Variants in TMED3 observed in about 807,000 individuals in gnomAD.
TMED3 encodes transmembrane p24 trafficking protein 3, also known as transmembrane emp24 domain-containing protein 3.
In TMED3, 9 loss-of-function variants were observed where a neutral mutation model predicts 15.0. That is an observed-to-expected ratio of 0.60 (90% CI 0.36 to 1.04). TMED3 has a LOEUF of 1.04. Among genes scored for constraint, TMED3 ranks in the 50% least tolerant of loss-of-function variants. The pLI is 0.01. For missense variants in TMED3, 267 were observed against 278.9 expected, an observed-to-expected ratio of 0.96 and a Z score of 0.30; for synonymous variants, 117 against 121.4, an observed-to-expected ratio of 0.96 and a Z score of 0.24.
chr15:79,391,540 A>G (rs1375408258), intron 2 of TMED3, among the ~76,000 whole-genome samples: 3 of 152,054 alleles, frequency 2.0e-5, no homozygotes, highest in East Asian at 3.9e-4. Flanking sequence ...TAGAATGTGT[A>G]TTCTGTGATT....
chr15:79,321,858 A>T, intron 2 of TMED3, 120 bp from the exon 3 acceptor site: 1 of 1,244,830 alleles, frequency 8.0e-7, no homozygotes, highest in Non-Finnish European at 1.1e-6. Context: ...CCCTTAGCAC[A>T]GACTCTTAGT....
intron 2 of TMED3, among the ~76,000 whole-genome samples, chr15:79,361,020 G>GTTTTATTTTTATTTTTAT (rs141654628): frequency 6.6e-6 from 1 of 151,918 alleles, no homozygotes; most frequent in African/African-American, 2.4e-5. Flanking sequence ...GGCTAATTGT[G>GTTTTATTTTTATTTTTAT]TTTTATTTTT....
At chr15:79,413,505 C>T (rs1894022150) in exon 3 of TMED3, 1 of 152,222 alleles carries the variant, frequency 6.6e-6, no homozygotes, top group South Asian at 2.1e-4. Flanking sequence ...GAAATAATCA[C>T]CTTCTTAAAA....
intron 1 of TMED3, among the ~76,000 whole-genome samples, chr15:79,312,097 C>T (rs1209906968): frequency 6.6e-6 from 1 of 152,142 alleles, no homozygotes; most frequent in African/African-American, 2.4e-5. Flanking sequence ...GTAGTCTGCC[C>T]CGATATTTAG....
intron 2 of TMED3, among the ~76,000 whole-genome samples, chr15:79,404,225 A>G (rs778869190): frequency 2.4e-4 from 36 of 152,308 alleles, no homozygotes; most frequent in Middle Eastern, 3.4e-3. Context: ...TTAGGTGACA[A>G]TTCCCTGTTA....
chr15:79,378,915 C>CT (rs1893473058), intron 2 of TMED3, among the ~76,000 whole-genome samples: 1 of 152,060 alleles, frequency 6.6e-6, no homozygotes, highest in Admixed American at 6.5e-5. Context: ...TGACTCAATT[C>CT]TTGGAATTCT....
intron 2 of TMED3, among the ~76,000 whole-genome samples, chr15:79,379,901 A>T (rs973448830): frequency 3.3e-5 from 5 of 152,226 alleles, no homozygotes; most frequent in African/African-American, 1.2e-4. Context: ...ATTTCATAAT[A>T]TGATGTGTTA....
At chr15:79,381,881 A>G (rs1893543691) in intron 2 of TMED3, among the ~76,000 whole-genome samples, 1 of 152,196 alleles carries the variant, frequency 6.6e-6, no homozygotes, top group Non-Finnish European at 1.5e-5. Context: ...TGGGGTCTTA[A>G]TGCTGTCAGA....
At chr15:79,387,046 G>A (rs184521314) in intron 2 of TMED3, among the ~76,000 whole-genome samples, 208 of 151,192 alleles carry the variant, frequency 1.4e-3, no homozygotes, top group African/African-American at 4.9e-3. Flanking sequence ...TCATGCCACA[G>A]CCCCCTGAGT....
chr15:79,327,091 C>G (rs1218421236), downstream of TMED3, among the ~76,000 whole-genome samples: 1 of 152,136 alleles, frequency 6.6e-6, no homozygotes, highest in Non-Finnish European at 1.5e-5. Context: ...ACAGCAAGGA[C>G]AGCATCAAGC....
At chr15:79,317,272 C>T (rs2058744663) in intron 2 of TMED3, among the ~76,000 whole-genome samples, 1 of 152,230 alleles carries the variant, frequency 6.6e-6, no homozygotes, top group African/African-American at 2.4e-5. Context: ...TGATGCTTCA[C>T]ATAAATATCT....
intron 2 of TMED3, among the ~76,000 whole-genome samples, chr15:79,380,403 A>AAT (rs1253345715): frequency 7.6e-6 from 1 of 132,118 alleles, no homozygotes; most frequent in Non-Finnish European, 1.6e-5. Context: ...GAGAGTCTCA[A>AAT]ATATATATAT....
intron 2 of TMED3, among the ~76,000 whole-genome samples, chr15:79,390,323 T>C (rs1242300992): frequency 1.3e-5 from 2 of 152,164 alleles, no homozygotes; most frequent in African/African-American, 4.8e-5. Flanking sequence ...TGTCAAATGC[T>C]TTTTTCTCCA....
intron 2 of TMED3, among the ~76,000 whole-genome samples, chr15:79,402,531 A>G (rs12909185): frequency 0.44 from 66,924 of 152,094 alleles, 15,436 homozygotes; most frequent in Middle Eastern, 0.6. Flanking sequence ...TGTAACCCCA[A>G]CATTTTGGGA....
intron 2 of TMED3, among the ~76,000 whole-genome samples, chr15:79,397,569 C>A (rs761046329): frequency 1.3e-5 from 2 of 152,168 alleles, no homozygotes; most frequent in Non-Finnish European, 2.9e-5. Context: ...TTGTCTGTTT[C>A]ATGAAGGGTA....
chr15:79,353,608 A>ACACACAC, intron 2 of TMED3, among the ~76,000 whole-genome samples: 3 of 148,028 alleles, frequency 2.0e-5, no homozygotes, highest in African/African-American at 5.0e-5. Flanking sequence ...ACACACACAC[A>ACACACAC]ATTACCTAGA....
At chr15:79,334,829 G>A (rs1239363675) in intron 2 of TMED3, among the ~76,000 whole-genome samples, 10 of 151,900 alleles carry the variant, frequency 6.6e-5, no homozygotes, top group Non-Finnish European at 1.3e-4. Flanking sequence ...TTCAGAGAAG[G>A]TTACAAGAAA....
Position 79,411,518 on chromosome 15 carries a change from G to C in TMED3, c.*14G>C, listed in dbSNP as rs186399034. 1,928 of 701,718 alleles carry C rather than the reference G, an allele frequency of 2.7e-3. 1 individual carries two copies. Among genetic ancestry groups the C allele is most frequent in the Non-Finnish European group, 3.9e-3 (1,494 of 384,810 alleles). The allele number at this position is 701,718 out of a possible 1,614,324, so 43.5% of individuals were successfully genotyped here. Reference sequence around the variant, plus strand: ...GCACCCTCCTAACAGATTTTCAGCGGGGAGGCACTGAGAGTGGATGGAGGG... The same window carrying C: ...GCACCCTCCTAACAGATTTTCAGCGCGGAGGCACTGAGAGTGGATGGAGGG... On this transcript the variant is annotated 3_prime_UTR_variant, in exon 3 of 3. Transcript: ENST00000424155.
Position 79,311,197 on chromosome 15 carries a change from CGCCGGGGGCGCAGCGCCCGAGCCG to C in TMED3, c.-52_-29del. ...CCGGTCGGTAGTCGTCGCCCCAGCC[CGCCGGGGGCGCAGCGCCCGAGCCG>C]CGGCCCTCGAGACGGGACCGAGAGC... On this transcript the variant is annotated 5_prime_UTR_variant, in exon 1 of 3. Coordinates refer to ENST00000299705, the MANE Select transcript of TMED3 (RefSeq NM_007364.4). The C allele has an allele frequency of 6.5e-7, 1 of 1,534,708 alleles. No individual in the cohort carries two copies. The highest frequency in any genetic ancestry group is 8.7e-7 in the Non-Finnish European group (1 of 1,147,138).
Sources: allele counts gnomAD v4.1 joint callset (sites outside exome capture counted in the v4.1 genomes callset), GRCh38; gene constraint gnomAD v4.1.1; transcripts MANE v1.5; gene names NCBI Gene and HGNC (gene_info 2026-07-23, HGNC 2026-07-21).